Variants in NIBAN1 observed in about 807,000 individuals in gnomAD.
NIBAN1 encodes niban apoptosis regulator 1, also known as protein Niban 1.
Under a neutral mutation model 75.1 loss-of-function variants are expected in NIBAN1, and 81 were observed. The observed-to-expected ratio is 1.08, with a 90% CI of 0.90 to 1.30. The LOEUF (loss-of-function observed/expected upper bound fraction) is 1.30, where lower values mean the gene tolerates loss of function less well. Ranked by LOEUF, NIBAN1 falls within the 50% of genes most tolerant of loss-of-function variation. NIBAN1 has a pLI of 0.00. For missense variants in NIBAN1, 1,133 were observed against 1,128.1 expected (o/e 1.00, Z -0.06); for synonymous variants, 436 against 424.8 (o/e 1.03, Z -0.32).
rs114052347 is a variant in NIBAN1 at position 184,937,634 on chromosome 1, T to C, written c.55+36668A>G. Among the ~76,000 whole-genome samples the C allele has an allele frequency of 4.7e-4, 71 of 152,230 alleles. 1 individual carries two copies. Among genetic ancestry groups the C allele is most frequent in the African/African-American group, 1.7e-3 (70 of 41,538 alleles). ...CAGAAATGGAGAATTGCAAACACAG[T>C]AAATGTGACAAACGTCGTAACAAAA... On this transcript the variant is annotated intron_variant, in intron 1 of 13. Coordinates refer to ENST00000367511, the MANE Select transcript of NIBAN1 (RefSeq NM_052966.4).
At chr1:184,937,306 T>C (rs1268219043) in intron 1 of NIBAN1, among the ~76,000 whole-genome samples, 13 of 151,908 alleles carry the variant, frequency 8.6e-5, no homozygotes. Flanking sequence ...GGACTATAGG[T>C]GTGTGCCATT....
chr1:184,884,559 A>T, intron 5 of NIBAN1, 74 bp downstream of exon 5: 7 of 1,569,492 alleles, frequency 4.5e-6, no homozygotes, highest in Non-Finnish European at 6.1e-6. Context: ...ACTGCAATAG[A>T]TGATGGACCA....
At chr1:184,872,433 T>C (rs1048687360) in intron 5 of NIBAN1, among the ~76,000 whole-genome samples, 30 of 152,060 alleles carry the variant, frequency 2.0e-4, no homozygotes, top group African/African-American at 5.3e-4. Flanking sequence ...AGGCTGGGCA[T>C]GAAGGCTCAC....
chr1:184,891,200 A>C (rs1656658187), intron 3 of NIBAN1, among the ~76,000 whole-genome samples: 1 of 152,348 alleles, frequency 6.6e-6, no homozygotes, highest in Non-Finnish European at 1.5e-5. Context: ...TAAGCATGTG[A>C]GGGAACCAGA....
chr1:184,859,571 C>G (rs1480600936), intron 5 of NIBAN1, among the ~76,000 whole-genome samples: 1 of 152,066 alleles, frequency 6.6e-6, no homozygotes, highest in Non-Finnish European at 1.5e-5. Flanking sequence ...CCAATGGAAA[C>G]AAACCAAAAA....
intron 2 of NIBAN1, 119 bp downstream of exon 2, chr1:184,899,060 G>A (rs1033160697): frequency 6.9e-6 from 8 of 1,152,656 alleles, no homozygotes; most frequent in Admixed American, 6.6e-5. Flanking sequence ...AGCATGAAAC[G>A]ACTTCAGAGC....
chr1:184,870,703 C>G (rs140080593), intron 5 of NIBAN1, among the ~76,000 whole-genome samples: 54 of 152,292 alleles, frequency 3.5e-4, no homozygotes, highest in Middle Eastern at 3.4e-3. Flanking sequence ...TGACAGTTAA[C>G]TTTTCAACAT....
At chr1:184,950,393 C>G (rs1208887122) in intron 1 of NIBAN1, among the ~76,000 whole-genome samples, 1 of 152,184 alleles carries the variant, frequency 6.6e-6, no homozygotes, top group Non-Finnish European at 1.5e-5. Context: ...TCTCCACATT[C>G]TTAGGCAGGC....
At chr1:184,965,291 T>C (rs1658753548) in intron 1 of NIBAN1, among the ~76,000 whole-genome samples, 1 of 149,732 alleles carries the variant, frequency 6.7e-6, no homozygotes. Flanking sequence ...AGAGTGAGAC[T>C]CCATCTCAAA....
At chr1:184,921,237 C>G (rs1657525547) in intron 1 of NIBAN1, among the ~76,000 whole-genome samples, 1 of 151,970 alleles carries the variant, frequency 6.6e-6, no homozygotes, top group South Asian at 2.1e-4. Flanking sequence ...GCGGAGGTGG[C>G]ACTGAGCCGA....
chr1:184,855,815 A>G (rs1425184923), intron 5 of NIBAN1, among the ~76,000 whole-genome samples: 2 of 152,314 alleles, frequency 1.3e-5, no homozygotes, highest in East Asian at 1.9e-4. Flanking sequence ...TATATACTCA[A>G]TAAATATTTG....
rs770094736 is a variant in NIBAN1 at position 184,906,639 on chromosome 1, A to AAAT, written c.56-7333_56-7331dup. 2.6e-4 allele frequency among the ~76,000 whole-genome samples: 39 copies of AAAT among 152,204 alleles called. 1 individual carries two copies. The highest frequency in any genetic ancestry group is 7.2e-4 in the Admixed American group (11 of 15,284). ...GAGTGAAACTCCATCTCAAAAAAGA[A>AAAT]AATAATAATAATAATAATAAATCAG... On this transcript the variant is annotated intron_variant, in intron 1 of 13. Coordinates refer to ENST00000367511, the MANE Select transcript of NIBAN1 (RefSeq NM_052966.4).
At chr1:184,806,616 A>G (rs1246360839) in intron 10 of NIBAN1, among the ~76,000 whole-genome samples, 1 of 151,976 alleles carries the variant, frequency 6.6e-6, no homozygotes, top group Non-Finnish European at 1.5e-5. Flanking sequence ...CTGTTGCCCA[A>G]TTTTGTTCCT....
At chr1:184,816,316 C>T (rs970365827) in intron 9 of NIBAN1, among the ~76,000 whole-genome samples, 1 of 152,092 alleles carries the variant, frequency 6.6e-6, no homozygotes, top group African/African-American at 2.4e-5. Context: ...CAAATGGTCC[C>T]CCTTCAACTG....
chr1:184,937,885 C>T (rs544834703), intron 1 of NIBAN1, among the ~76,000 whole-genome samples: 1 of 152,330 alleles, frequency 6.6e-6, no homozygotes, highest in African/African-American at 2.4e-5. Context: ...AAGCAGCTGA[C>T]CCACTGCAGG....
chr1:184,835,044 T>G (rs1655100862), intron 5 of NIBAN1, among the ~76,000 whole-genome samples: 1 of 152,228 alleles, frequency 6.6e-6, no homozygotes, highest in Non-Finnish European at 1.5e-5. Flanking sequence ...GGGATCCAGT[T>G]TCAGCTTTCT....
At chr1:184,874,037 T>C (rs1300499433) in intron 5 of NIBAN1, among the ~76,000 whole-genome samples, 1 of 152,144 alleles carries the variant, frequency 6.6e-6, no homozygotes, top group African/African-American at 2.4e-5. Context: ...TAAAGCATTC[T>C]AAGTTATCTA....
chr1:184,954,682 T>C (rs1323742042), intron 1 of NIBAN1, among the ~76,000 whole-genome samples: 2 of 152,130 alleles, frequency 1.3e-5, no homozygotes, highest in Non-Finnish European at 2.9e-5. Flanking sequence ...AGAATCAGAG[T>C]ATATTCTGGT....
Position 184,974,261 on chromosome 1 carries a change from G to C in NIBAN1, c.55+41C>G, listed in dbSNP as rs748931295. On this transcript the variant is annotated intron_variant, in intron 1 of 13. Transcript: ENST00000367511. The stretch of plus-strand genomic sequence containing the variant: ...GACCGCGGCAGCCAGCCTGGTGCAC[G>C]GGTCAGGGTGCTCCCCAGGCCCCCG... 3.4e-5 allele frequency: 51 copies of C among 1,482,964 alleles called. No homozygotes were observed. The South Asian group carries it at 6.0e-4, about 18-fold the overall frequency. The allele number at this position is 1,482,964 out of a possible 1,614,324, so 91.9% of individuals were successfully genotyped here.
Sources: gnomAD v4.1 joint callset for allele counts (sites outside exome capture counted in the v4.1 genomes callset) on GRCh38, gnomAD v4.1.1 for gene constraint, MANE v1.5 for transcripts, NCBI Gene and HGNC (gene_info 2026-07-23, HGNC 2026-07-21) for gene names.